The following KAT2B variants were observed in gnomAD, a reference collection of about 807,000 sequenced individuals.
The protein encoded by KAT2B is histone acetyltransferase KAT2B.
KAT2B carries 36 observed loss-of-function variants against 105.9 expected under a neutral mutation model. The ratio of observed to expected loss-of-function variants is 0.34; its 90% CI spans 0.26 to 0.45. KAT2B has a LOEUF of 0.45. Ranked by LOEUF, KAT2B falls within the 20% of genes least tolerant of loss-of-function variation. KAT2B has a pLI of 1.00. For missense variants in KAT2B, 820 were observed against 1,021.6 expected, an observed-to-expected ratio of 0.80 and a Z score of 2.69; for synonymous variants, 397 against 377.9, an observed-to-expected ratio of 1.05 and a Z score of -0.59.
chr3:20,056,553 C>A (rs1364904360), intron 1 of KAT2B, among the ~76,000 whole-genome samples: 2 of 152,078 alleles, frequency 1.3e-5, no homozygotes, highest in Non-Finnish European at 2.9e-5. Context: ...GTTACTGTTA[C>A]AATTAAAACA....
chr3:20,048,413 G>A (rs3849534), intron 1 of KAT2B, among the ~76,000 whole-genome samples: 77,937 of 152,028 alleles, frequency 0.51, 20,421 homozygotes, highest in South Asian at 0.63. Flanking sequence ...GTGATATAGC[G>A]CTGTTTAAGG....
At chr3:20,097,622 C>T (rs1399533534) in intron 3 of KAT2B, among the ~76,000 whole-genome samples, 5 of 152,046 alleles carry the variant, frequency 3.3e-5, no homozygotes, top group African/African-American at 1.2e-4. Context: ...CTGCAACCTC[C>T]ACCACCTGAG....
intron 10 of KAT2B, 80 bp downstream of exon 10, chr3:20,126,193 A>G (rs1026153211): frequency 1.0e-5 from 12 of 1,202,174 alleles, no homozygotes; most frequent in Non-Finnish European, 1.3e-5. Flanking sequence ...AAAGTCAGCC[A>G]TAGTCATCCA....
At chr3:20,135,547 G>A (rs1247319445) in intron 11 of KAT2B, among the ~76,000 whole-genome samples, 3 of 152,016 alleles carry the variant, frequency 2.0e-5, no homozygotes, top group Admixed American at 6.6e-5. Context: ...CCAGTTATTC[G>A]GGAGGCTGAG....
intron 2 of KAT2B, among the ~76,000 whole-genome samples, chr3:20,083,435 T>TA (rs1443605754): frequency 6.6e-6 from 1 of 152,174 alleles, no homozygotes; most frequent in Non-Finnish European, 1.5e-5. Context: ...TGATTGTCAG[T>TA]ATAGTAAATA....
intron 11 of KAT2B, among the ~76,000 whole-genome samples, chr3:20,129,139 T>C (rs1436951897): frequency 1.3e-5 from 2 of 151,432 alleles, no homozygotes; most frequent in African/African-American, 4.9e-5. Flanking sequence ...ATGTGTCCAA[T>C]AGAAATATAA....
chr3:20,041,664 A>C (rs1433230414), intron 1 of KAT2B, among the ~76,000 whole-genome samples: 2 of 152,140 alleles, frequency 1.3e-5, no homozygotes, highest in Non-Finnish European at 2.9e-5. Flanking sequence ...TTGTTTTGAC[A>C]GGGTGACAGC....
chr3:20,071,105 A>G (rs1166024870), intron 1 of KAT2B, among the ~76,000 whole-genome samples: 1 of 152,232 alleles, frequency 6.6e-6, no homozygotes, highest in Non-Finnish European at 1.5e-5. Context: ...TATATCCAAA[A>G]TAATACATTT....
At chr3:20,049,392 C>G (rs6793573) in intron 1 of KAT2B, among the ~76,000 whole-genome samples, 2 of 152,074 alleles carry the variant, frequency 1.3e-5, no homozygotes, top group South Asian at 2.1e-4. Flanking sequence ...TTCTTCTACC[C>G]GGGGAAAGTG....
chr3:20,040,863 C>G (rs1272136018), intron 1 of KAT2B, 83 bp downstream of exon 1: 2 of 1,391,860 alleles, frequency 1.4e-6, no homozygotes, highest in Non-Finnish European at 1.9e-6. Context: ...GCTTCCACCT[C>G]CGCCTCCCGC....
intron 6 of KAT2B, among the ~76,000 whole-genome samples, chr3:20,114,483 T>A (rs1013267238): frequency 2.0e-5 from 3 of 152,114 alleles, no homozygotes; most frequent in African/African-American, 7.2e-5. Context: ...CAGTAAGAAG[T>A]TCTTAGAGCA....
chr3:20,094,642 T>A (rs1020120896), intron 2 of KAT2B, among the ~76,000 whole-genome samples: 9 of 151,854 alleles, frequency 5.9e-5, no homozygotes, highest in Non-Finnish European at 1.2e-4. Context: ...GATGCAAAAG[T>A]GGGTTTGCAG....
rs754659716 is a variant in KAT2B at position 20,126,821 on chromosome 3, C to CAAAAA, written c.1623-587_1623-583dup. 1.3e-4 allele frequency among the ~76,000 whole-genome samples: 11 copies of CAAAAA among 85,844 alleles called. 1 individual carries two copies. The highest frequency in any genetic ancestry group is 1.4e-4 in the Non-Finnish European group (6 of 42,534). The allele number at this position is 85,844 out of a possible 152,430, so 56.3% of individuals were successfully genotyped here. ...TGGGCAACAGAGCGAAACTCCATTT[C>CAAAAA]AAAAAAAAAAAAAAAAAAACCCACG... On this transcript the variant is annotated intron_variant, in intron 10 of 17. Transcript: ENST00000263754.
At chr3:20,067,479 T>C (rs1158962339) in intron 1 of KAT2B, among the ~76,000 whole-genome samples, 1 of 152,132 alleles carries the variant, frequency 6.6e-6, no homozygotes, top group South Asian at 2.1e-4. Flanking sequence ...ATAAACTTTT[T>C]TTCTGGGCTG....
intron 8 of KAT2B, 69 bp downstream of exon 8, chr3:20,119,792 A>G: frequency 6.5e-7 from 1 of 1,547,288 alleles, no homozygotes; most frequent in South Asian, 1.2e-5. Flanking sequence ...TGAGGAGTGC[A>G]AAAGGTAGAC....
At chr3:20,103,851 C>G (rs1698952726) in intron 5 of KAT2B, among the ~76,000 whole-genome samples, 1 of 152,148 alleles carries the variant, frequency 6.6e-6, no homozygotes, top group Admixed American at 6.5e-5. Context: ...GTGGGTCCAT[C>G]TCTCCCTTTT....
chr3:20,074,396 T>G (rs1698381792), intron 2 of KAT2B, among the ~76,000 whole-genome samples: 1 of 152,182 alleles, frequency 6.6e-6, no homozygotes, highest in Non-Finnish European at 1.5e-5. Context: ...GCACATTACT[T>G]AATCTGCCTG....
At chr3:20,121,729 CATATGTGT>C (rs1175734248) in intron 8 of KAT2B, among the ~76,000 whole-genome samples, 36 of 120,370 alleles carry the variant, frequency 3.0e-4, no homozygotes, top group African/African-American at 1.1e-3. Flanking sequence ...TACACATATG[CATATGTGT>C]GTGTGTGTGT....
chr3:20,111,075 GT>G (rs1170339360), intron 5 of KAT2B, among the ~76,000 whole-genome samples: 1 of 152,154 alleles, frequency 6.6e-6, no homozygotes, highest in African/African-American at 2.4e-5. Context: ...GGACTAGGTG[GT>G]TAATTCTGAT....
Sources: allele counts gnomAD v4.1 joint callset (sites outside exome capture counted in the v4.1 genomes callset), GRCh38; gene constraint gnomAD v4.1.1; transcripts MANE v1.5; gene names NCBI Gene and HGNC (gene_info 2026-07-23, HGNC 2026-07-21).